FILIP1L: variants seen among roughly 807,000 people sequenced by gnomAD.
The protein encoded by FILIP1L is filamin A interacting protein 1 like.
Under a neutral mutation model 96.6 loss-of-function variants are expected in FILIP1L, and 55 were observed. That is an observed-to-expected ratio of 0.57 (90% confidence interval 0.46 to 0.71). The LOEUF is 0.71. Among genes scored for constraint, FILIP1L ranks in the 30% least tolerant of loss-of-function variants. The pLI, the probability that FILIP1L is intolerant of heterozygous loss-of-function variation, is 0.00. For synonymous variants in FILIP1L, 467 were observed against 473.9 expected, an observed-to-expected ratio of 0.99 and a Z score of 0.19; for missense variants, 1,304 against 1,321.2, an observed-to-expected ratio of 0.99 and a Z score of 0.20.
At chr3:99,905,727 C>T (rs1450433404) in intron 4 of FILIP1L, among the ~76,000 whole-genome samples, 1 of 152,138 alleles carries the variant, frequency 6.6e-6, no homozygotes, top group Non-Finnish European at 1.5e-5. Flanking sequence ...GAGAGGTTGC[C>T]ACCATTTGAT....
intron 1 of FILIP1L, among the ~76,000 whole-genome samples, chr3:100,046,160 A>C (rs1203761823): frequency 6.6e-6 from 1 of 152,188 alleles, no homozygotes; most frequent in Non-Finnish European, 1.5e-5. Context: ...AGGCTCATCA[A>C]ATTTCCCAGG....
chr3:100,045,462 A>T (rs2065264347), intron 1 of FILIP1L, among the ~76,000 whole-genome samples: 1 of 152,202 alleles, frequency 6.6e-6, no homozygotes. Context: ...ATTAGCTTTC[A>T]TTGTGCTGCT....
intron 1 of FILIP1L, among the ~76,000 whole-genome samples, chr3:100,019,253 G>A (rs1407328894): frequency 1.3e-5 from 2 of 152,082 alleles, no homozygotes; most frequent in African/African-American, 4.8e-5. Context: ...TCAGCTACTC[G>A]GGAGGCTGAG....
At chr3:100,061,694 T>C (rs905960142) in intron 1 of FILIP1L, among the ~76,000 whole-genome samples, 8 of 152,196 alleles carry the variant, frequency 5.3e-5, no homozygotes, top group African/African-American at 1.9e-4. Flanking sequence ...TTTAATTCAT[T>C]TAACCCTCAC....
chr3:100,088,790 T>A (rs1421932004), intron 1 of FILIP1L, among the ~76,000 whole-genome samples: 1 of 152,196 alleles, frequency 6.6e-6, no homozygotes, highest in Admixed American at 6.5e-5. Flanking sequence ...TCTGCCCCAC[T>A]TTTTTGTATC....
intron 1 of FILIP1L, among the ~76,000 whole-genome samples, chr3:99,957,693 C>CTTTTTTTTTTTTTT (rs779350496): frequency 0.011 from 210 of 19,846 alleles, 35 homozygotes; most frequent in South Asian, 0.014. Flanking sequence ...TTCTTTCTTT[C>CTTTTTTTTTTTTTT]TTTTTTTTTT....
Position 99,849,158 on chromosome 3 carries a change from C to G in FILIP1L, c.2518G>C (p.Asp840His), listed in dbSNP as rs1293255727. The G allele has an allele frequency of 4.3e-6, 7 of 1,614,172 alleles. No individual in the cohort carries two copies. Among genetic ancestry groups the G allele is most frequent in the Non-Finnish European group, 5.9e-6 (7 of 1,180,034 alleles). Residue 840 changes from aspartate (D) to histidine (H), a missense_variant, in exon 5 of 6, where the codon GAT (aspartate) becomes CAT (histidine). Asp to His is a moderately conservative substitution (Grantham distance 81). Coordinates refer to ENST00000477258, the MANE Select transcript of FILIP1L (RefSeq NM_001387850.1). ...TTGAAGGACAGCACAGATCCCTCAT[C>G]ATTAGGGTCCTCGTCTTGATTCTCA... ...ESENQDEDPN[D>H]EGSVLSFKCS...
intron 1 of FILIP1L, among the ~76,000 whole-genome samples, chr3:99,944,244 T>C (rs1405805015): frequency 6.6e-6 from 1 of 152,046 alleles, no homozygotes; most frequent in East Asian, 1.9e-4. Context: ...GCTGAAGAAA[T>C]TGGGATTTGG....
chr3:100,058,634 A>G (rs1433345852), intron 1 of FILIP1L, among the ~76,000 whole-genome samples: 2 of 152,068 alleles, frequency 1.3e-5, no homozygotes, highest in African/African-American at 4.8e-5. Flanking sequence ...TTCTCCTCTA[A>G]ATTCCCAAGC....
chr3:99,875,344 A>G (rs1394325071), intron 4 of FILIP1L, among the ~76,000 whole-genome samples: 1 of 152,164 alleles, frequency 6.6e-6, no homozygotes, highest in Non-Finnish European at 1.5e-5. Flanking sequence ...TATAAGTTTT[A>G]CCTTTTAAAT....
intron 1 of FILIP1L, among the ~76,000 whole-genome samples, chr3:100,033,339 G>A (rs2065051224): frequency 6.6e-6 from 1 of 152,116 alleles, no homozygotes; most frequent in African/African-American, 2.4e-5. Context: ...TCTATCGAGT[G>A]GCAGCCAATG....
chr3:100,093,121 A>G (rs2107439196), intron 1 of FILIP1L, among the ~76,000 whole-genome samples: 1 of 152,286 alleles, frequency 6.6e-6, no homozygotes, highest in Non-Finnish European at 1.5e-5. Flanking sequence ...AGGTTAGCTC[A>G]TTTTAAACAT....
intron 1 of FILIP1L, among the ~76,000 whole-genome samples, chr3:100,082,086 A>G (rs1226309202): frequency 6.6e-6 from 1 of 152,230 alleles, no homozygotes; most frequent in African/African-American, 2.4e-5. Flanking sequence ...AAATACTGGC[A>G]TGTTCCTAGA....
intron 1 of FILIP1L, among the ~76,000 whole-genome samples, chr3:100,000,057 C>A (rs1490617631): frequency 6.6e-6 from 1 of 152,124 alleles, no homozygotes; most frequent in East Asian, 1.9e-4. Flanking sequence ...GCCCAGGCAT[C>A]TCTATTTTTT....
Position 100,060,226 on chromosome 3 carries a change from A to G in FILIP1L, c.-11+53827T>C, listed in dbSNP as rs552546653. Among the ~76,000 whole-genome samples, 5 of 152,288 alleles carry G rather than the reference A, an allele frequency of 3.3e-5. No individual in the cohort carries two copies. In the East Asian group the frequency reaches 7.7e-4, roughly 23 times the overall value. ...GAGCCCCTAAAGATTTTTTTGATCT[A>G]CTATTTTAGAAAATAAAATCTACTG... On this transcript the variant is annotated intron_variant, in intron 1 of 5. Coordinates refer to ENST00000477258, the MANE Select transcript of FILIP1L (RefSeq NM_001387850.1).
intron 1 of FILIP1L, among the ~76,000 whole-genome samples, chr3:100,057,528 G>A (rs185540377): frequency 9.2e-5 from 14 of 152,260 alleles, no homozygotes; most frequent in East Asian, 5.8e-4. Flanking sequence ...TGTGTTCTGC[G>A]TCTTATTAAA....
At chr3:99,923,314 A>G (rs1360289062) in intron 4 of FILIP1L, among the ~76,000 whole-genome samples, 1 of 152,082 alleles carries the variant, frequency 6.6e-6, no homozygotes, top group Non-Finnish European at 1.5e-5. Context: ...TTTACACCAG[A>G]TACTGTAATA....
At chr3:99,969,857 T>G (rs959094692) in intron 1 of FILIP1L, among the ~76,000 whole-genome samples, 6 of 152,164 alleles carry the variant, frequency 3.9e-5, no homozygotes, top group Non-Finnish European at 5.9e-5. Context: ...TGTTAAAGAT[T>G]GTTGCCAAGT....
At chr3:99,888,038 C>CTGG (rs1266107473) in intron 4 of FILIP1L, among the ~76,000 whole-genome samples, 5 of 152,198 alleles carry the variant, frequency 3.3e-5, no homozygotes, top group African/African-American at 9.7e-5. Flanking sequence ...GCCACTGTGC[C>CTGG]TGGCCTCCTG....
Sources: allele counts gnomAD v4.1 joint callset (sites outside exome capture counted in the v4.1 genomes callset), GRCh38; gene constraint gnomAD v4.1.1; transcripts MANE v1.5; gene names NCBI Gene and HGNC (gene_info 2026-07-23, HGNC 2026-07-21).